GLT1D1: variants seen among roughly 807,000 people sequenced by gnomAD.
The protein encoded by GLT1D1 is glycosyltransferase 1 domain containing 1.
A neutral mutation model predicts 28.7 loss-of-function variants in GLT1D1; 21 were observed. That is an observed-to-expected ratio of 0.73 (90% CI 0.52 to 1.05). GLT1D1 has a LOEUF of 1.05. Among genes scored for constraint, GLT1D1 ranks in the 50% least tolerant of loss-of-function variants. GLT1D1 has a pLI of 0.00. For synonymous variants in GLT1D1, 147 were observed against 124.8 expected, an observed-to-expected ratio of 1.18 and a Z score of -1.19; for missense variants, 343 against 330.6, an observed-to-expected ratio of 1.04 and a Z score of -0.29.
intron 4 of GLT1D1, among the ~76,000 whole-genome samples, chr12:128,903,896 A>G (rs550580974): frequency 6.6e-6 from 1 of 151,598 alleles, no homozygotes; most frequent in Non-Finnish European, 1.5e-5. Context: ...ATGCCCAGCT[A>G]ATTTTTGTAT....
chr12:128,907,254 A>G (rs1434089749), intron 4 of GLT1D1, among the ~76,000 whole-genome samples: 1 of 143,752 alleles, frequency 7.0e-6, no homozygotes, highest in Non-Finnish European at 1.5e-5. Flanking sequence ...CAACCCTCTC[A>G]CCTCTGCAGG....
At chr12:128,950,452 A>G (rs908183676) in intron 6 of GLT1D1, among the ~76,000 whole-genome samples, 4 of 152,304 alleles carry the variant, frequency 2.6e-5, no homozygotes, top group South Asian at 2.1e-4. Context: ...GCCACATGAC[A>G]AGCAATGCTT....
chr12:128,920,660 C>T (rs900871020), intron 4 of GLT1D1, among the ~76,000 whole-genome samples: 8 of 152,166 alleles, frequency 5.3e-5, no homozygotes, highest in South Asian at 2.1e-4. Flanking sequence ...TTCCTGAGCC[C>T]GCTCATGACT....
At position 128,860,831 on chromosome 12, in the gene GLT1D1, C is replaced by G. The variant is rs116488266; in HGVS notation, c.68+7182C>G. 5.2e-3 allele frequency among the ~76,000 whole-genome samples: 788 copies of G among 152,264 alleles called. 6 individuals carry two copies. Among genetic ancestry groups the G allele is most frequent in the African/African-American group, 0.018 (737 of 41,536 alleles). The stretch of plus-strand genomic sequence containing the variant: ...GAAGAGGTCAGAAGGGTCCCCACCC[C>G]CCTCTGATCCCCTGAGAATGAACAT... On this transcript the variant is annotated intron_variant, in intron 1 of 7. Transcript: ENST00000281703.
At chr12:128,898,183 C>T (rs1282512156) in intron 3 of GLT1D1, among the ~76,000 whole-genome samples, 1 of 151,728 alleles carries the variant, frequency 6.6e-6, no homozygotes, top group Non-Finnish European at 1.5e-5. Context: ...CCTTTTCCTT[C>T]TTCCTTTCTT....
intron 1 of GLT1D1, among the ~76,000 whole-genome samples, chr12:128,860,196 C>A (rs903818630): frequency 6.6e-6 from 1 of 152,224 alleles, no homozygotes; most frequent in East Asian, 1.9e-4. Flanking sequence ...CGCGGTGGCT[C>A]ACGCCTGTAA....
chr12:128,971,038 A>G (rs767531315), intron 7 of GLT1D1, among the ~76,000 whole-genome samples: 4 of 152,142 alleles, frequency 2.6e-5, no homozygotes, highest in Admixed American at 6.5e-5. Flanking sequence ...CACGCCACAC[A>G]CTTGTACTTT....
At chr12:128,923,926 CAT>C (rs796829509) in intron 4 of GLT1D1, among the ~76,000 whole-genome samples, 20 of 151,996 alleles carry the variant, frequency 1.3e-4, no homozygotes, top group African/African-American at 4.6e-4. Flanking sequence ...CAAAATTAAA[CAT>C]ATTTTCTCAT....
intron 1 of GLT1D1, among the ~76,000 whole-genome samples, chr12:128,866,067 C>CTT (rs1208489895): frequency 9.0e-5 from 12 of 133,474 alleles, no homozygotes; most frequent in South Asian, 4.9e-4. Context: ...GTGATTGTAC[C>CTT]TTTTTTTTTT....
intron 7 of GLT1D1, among the ~76,000 whole-genome samples, chr12:128,960,134 C>T (rs1053458165): frequency 3.9e-5 from 6 of 152,148 alleles, no homozygotes; most frequent in East Asian, 1.9e-4. Context: ...CACGGAGTCT[C>T]GTTGCAGACT....
chr12:128,898,560 A>G (rs1869903675), intron 3 of GLT1D1, among the ~76,000 whole-genome samples: 1 of 152,366 alleles, frequency 6.6e-6, no homozygotes, highest in East Asian at 1.9e-4. Flanking sequence ...TCAAATTTCA[A>G]TAGAAATCCA....
intron 4 of GLT1D1, among the ~76,000 whole-genome samples, chr12:128,943,588 A>C (rs1311445371): frequency 6.6e-6 from 1 of 152,216 alleles, no homozygotes; most frequent in South Asian, 2.1e-4. Context: ...CCCTCAGTAC[A>C]TATGTATTTT....
At chr12:128,926,193 C>CAATAATAATAATAATAAT (rs34967915) in intron 4 of GLT1D1, among the ~76,000 whole-genome samples, 166 bp from the exon 7 acceptor site, 1 of 132,950 alleles carries the variant, frequency 7.5e-6, no homozygotes, top group African/African-American at 2.8e-5. Context: ...GACTCTGTCT[C>CAATAATAATAATAATAAT]AATAATAATA....
At chr12:128,862,725 C>T (rs1018875475) in intron 1 of GLT1D1, among the ~76,000 whole-genome samples, 4 of 152,154 alleles carry the variant, frequency 2.6e-5, no homozygotes, top group African/African-American at 9.7e-5. Flanking sequence ...GCTGTGTAGG[C>T]GCTACACACA....
chr12:128,939,958 A>AAT (rs140196849), intron 4 of GLT1D1, among the ~76,000 whole-genome samples: 1,511 of 147,164 alleles, frequency 0.01, 34 homozygotes, highest in African/African-American at 0.028. Flanking sequence ...CCCCATTTTT[A>AAT]ATATATATAT....
chr12:128,881,148 C>T (rs1162279369), intron 2 of GLT1D1, among the ~76,000 whole-genome samples: 2 of 140,398 alleles, frequency 1.4e-5, no homozygotes, highest in Admixed American at 7.8e-5. Context: ...GGCGTGAACC[C>T]GGGAGGCGGA....
chr12:128,927,998 T>TGAA (rs1873424171), intron 4 of GLT1D1, among the ~76,000 whole-genome samples: 1 of 6,288 alleles, frequency 1.6e-4, no homozygotes, highest in Non-Finnish European at 3.0e-4. Context: ...AGACTCTGTC[T>TGAA]CAAAAAAAAA....
intron 4 of GLT1D1, among the ~76,000 whole-genome samples, chr12:128,905,577 T>G (rs1482494978): frequency 6.6e-6 from 1 of 152,240 alleles, no homozygotes; most frequent in Non-Finnish European, 1.5e-5. Flanking sequence ...TTGATTGGAT[T>G]TCAGTAAAGA....
intron 2 of GLT1D1, among the ~76,000 whole-genome samples, chr12:128,883,911 G>A (rs1321523608): frequency 6.6e-6 from 1 of 152,186 alleles, no homozygotes; most frequent in Non-Finnish European, 1.5e-5. Flanking sequence ...GCATGACATA[G>A]AAGGGAAAGG....
Sources: gnomAD v4.1 joint callset for allele counts (sites outside exome capture counted in the v4.1 genomes callset) on GRCh38, gnomAD v4.1.1 for gene constraint, MANE v1.5 for transcripts, NCBI Gene and HGNC (gene_info 2026-07-23, HGNC 2026-07-21) for gene names.